The following MMP16 variants were observed in gnomAD, a reference collection of about 807,000 sequenced individuals.
MMP16 encodes the protein matrix metalloproteinase-16.
Under a neutral mutation model 67.8 loss-of-function variants are expected in MMP16, and 12 were observed. The observed-to-expected ratio is 0.18, with a 90% CI of 0.11 to 0.29. The LOEUF is 0.29. MMP16 is among the 10% of genes least tolerant of loss of function. The pLI is 1.00. For missense variants in MMP16, 475 were observed against 765.7 expected, an observed-to-expected ratio of 0.62 and a Z score of 4.48; for synonymous variants, 249 against 255.9, an observed-to-expected ratio of 0.97 and a Z score of 0.26.
At chr8:88,211,957 A>G (rs1202253529) in intron 1 of MMP16, among the ~76,000 whole-genome samples, 1 of 152,186 alleles carries the variant, frequency 6.6e-6, no homozygotes, top group East Asian at 1.9e-4. Context: ...AAAGGCTTAT[A>G]TACCACCTGG....
intron 8 of MMP16, among the ~76,000 whole-genome samples, chr8:88,053,003 C>T (rs913472713): frequency 6.6e-5 from 10 of 152,194 alleles, no homozygotes; most frequent in African/African-American, 2.4e-4. Context: ...AAACTAGGAG[C>T]TCTGTGGTCT....
intron 8 of MMP16, among the ~76,000 whole-genome samples, chr8:88,050,684 G>A (rs79156669): frequency 0.036 from 5,543 of 152,280 alleles, 314 homozygotes; most frequent in African/African-American, 0.12. Context: ...CATTTACTGT[G>A]TTTGAATGTG....
chr8:88,033,901 A>G lies in MMP16; in HGVS notation c.*7560T>C, dbSNP rs1336874985. 1 of 152,050 alleles carries G rather than the reference A, an allele frequency of 6.6e-6. No homozygotes were observed. The highest frequency in any genetic ancestry group is 1.5e-5 in the Non-Finnish European group (1 of 67,974). 9.4% of individuals were successfully genotyped at this position (152,050 alleles called of 1,614,324 possible). The stretch of plus-strand genomic sequence containing the variant: ...GGATGAAGGTTTTAGGCATTTATGT[A>G]CCCATGATGTACCTTAAACAGAACA... On this transcript the variant is annotated 3_prime_UTR_variant, in exon 10 of 10. Transcript: ENST00000286614.
At chr8:88,309,365 A>T (rs1344917515) in intron 1 of MMP16, among the ~76,000 whole-genome samples, 2 of 151,998 alleles carry the variant, frequency 1.3e-5, no homozygotes, top group Non-Finnish European at 2.9e-5. Flanking sequence ...AAAAATATAC[A>T]GAACATTATA....
chr8:88,224,738 G>A (rs1334952727), intron 1 of MMP16, among the ~76,000 whole-genome samples: 3 of 151,700 alleles, frequency 2.0e-5, no homozygotes, highest in Non-Finnish European at 4.4e-5. Context: ...GAAAAAAAAA[G>A]GATTTCATAG....
intron 1 of MMP16, among the ~76,000 whole-genome samples, chr8:88,220,903 C>G (rs186451396): frequency 1.5e-4 from 23 of 152,006 alleles, no homozygotes; most frequent in Non-Finnish European, 2.6e-4. Flanking sequence ...CTCCTGAAAC[C>G]CTACTAAATT....
At chr8:88,303,983 G>T (rs1303598925) in intron 1 of MMP16, among the ~76,000 whole-genome samples, 1 of 152,168 alleles carries the variant, frequency 6.6e-6, no homozygotes, top group East Asian at 1.9e-4. Flanking sequence ...CAGAAGGTAG[G>T]TATTAAGAAC....
chr8:88,235,537 T>A (rs145878129), intron 1 of MMP16, among the ~76,000 whole-genome samples: 1 of 152,166 alleles, frequency 6.6e-6, no homozygotes, highest in East Asian at 1.9e-4. Flanking sequence ...TTTGATTTTG[T>A]TTTTGTTTTT....
At chr8:88,231,236 C>T (rs1334760334) in intron 1 of MMP16, among the ~76,000 whole-genome samples, 2 of 152,074 alleles carry the variant, frequency 1.3e-5, no homozygotes, top group East Asian at 1.9e-4. Context: ...GATTCTCTAA[C>T]GATTCACTGA....
intron 1 of MMP16, among the ~76,000 whole-genome samples, chr8:88,285,360 G>A (rs1043919442): frequency 2.0e-5 from 3 of 151,998 alleles, no homozygotes; most frequent in Admixed American, 6.6e-5. Context: ...GGCTGGTCTC[G>A]AACTCCTGAC....
chr8:88,210,568 G>GT (rs1333879174), intron 1 of MMP16, among the ~76,000 whole-genome samples: 2 of 152,096 alleles, frequency 1.3e-5, no homozygotes, highest in African/African-American at 4.8e-5. Flanking sequence ...TAGAAACCCA[G>GT]TAGGAAGTCC....
At chr8:88,231,442 C>G (rs985284580) in intron 1 of MMP16, among the ~76,000 whole-genome samples, 2 of 152,154 alleles carry the variant, frequency 1.3e-5, no homozygotes, top group South Asian at 4.1e-4. Context: ...TCCCCTAAAT[C>G]CTTACACAGA....
At chr8:88,285,859 AG>A (rs1214991311) in intron 1 of MMP16, among the ~76,000 whole-genome samples, 2 of 152,206 alleles carry the variant, frequency 1.3e-5, no homozygotes, top group African/African-American at 4.8e-5. Flanking sequence ...AAACAAATTC[AG>A]GCATTCCTCA....
At chr8:88,288,629 A>AT (rs1238420080) in intron 1 of MMP16, among the ~76,000 whole-genome samples, 1 of 152,176 alleles carries the variant, frequency 6.6e-6, no homozygotes, top group Non-Finnish European at 1.5e-5. Context: ...ATTTGCAAAT[A>AT]TTTTTTTAAA....
chr8:88,279,125 G>A (rs1810693294), intron 1 of MMP16, among the ~76,000 whole-genome samples: 1 of 151,926 alleles, frequency 6.6e-6, no homozygotes, highest in African/African-American at 2.4e-5. Flanking sequence ...AGGAGGCTGA[G>A]GCAGGAGAAT....
chr8:88,077,003 G>T (rs2118290580), intron 6 of MMP16, among the ~76,000 whole-genome samples: 1 of 152,232 alleles, frequency 6.6e-6, no homozygotes, highest in South Asian at 2.1e-4. Flanking sequence ...GACACATGTT[G>T]CAGTCTGCAG....
intron 1 of MMP16, among the ~76,000 whole-genome samples, chr8:88,299,056 G>C (rs951241100): frequency 2.6e-5 from 4 of 151,792 alleles, no homozygotes; most frequent in Non-Finnish European, 1.5e-5. Flanking sequence ...AAAAAAAATA[G>C]ATGACAGATA....
intron 6 of MMP16, among the ~76,000 whole-genome samples, chr8:88,094,826 G>T (rs553246458): frequency 6.6e-6 from 1 of 151,890 alleles, no homozygotes; most frequent in South Asian, 2.1e-4. Flanking sequence ...ACAGTTAATA[G>T]GTTTTACTCT....
At chr8:88,157,252 T>A (rs1189804346) in intron 4 of MMP16, among the ~76,000 whole-genome samples, 1 of 152,114 alleles carries the variant, frequency 6.6e-6, no homozygotes, top group African/African-American at 2.4e-5. Flanking sequence ...CCTTATTCTC[T>A]AAAAAATTAC....
Sources: allele counts gnomAD v4.1 joint callset (sites outside exome capture counted in the v4.1 genomes callset), GRCh38; gene constraint gnomAD v4.1.1; transcripts MANE v1.5; gene names NCBI Gene and HGNC (gene_info 2026-07-23, HGNC 2026-07-21).